PCDH11X: variants seen among roughly 807,000 people sequenced by gnomAD.
The protein encoded by PCDH11X is protocadherin-11 X-linked.
A neutral mutation model predicts 53.3 loss-of-function variants in PCDH11X; 18 were observed. The ratio of observed to expected loss-of-function variants is 0.34; its 90% CI spans 0.23 to 0.50. The LOEUF (loss-of-function observed/expected upper bound fraction) is 0.50. PCDH11X is among the 20% of genes least tolerant of loss of function. The pLI is 0.98. For synonymous variants in PCDH11X, 279 were observed against 393.3 expected, an observed-to-expected ratio of 0.71 and a Z score of 3.44; for missense variants, 570 against 1,032.4, an observed-to-expected ratio of 0.55 and a Z score of 6.14.
intron 6 of PCDH11X, among the ~76,000 whole-genome samples, chrX:91,965,608 T>G (rs1256577742): frequency 9.2e-6 from 1 of 108,121 alleles, no homozygotes; most frequent in African/African-American, 3.5e-5. Flanking sequence ...ATTTTTACAA[T>G]TTATGAAACC....
chrX:92,401,620 A>T (rs1450359261), intron 9 of PCDH11X, among the ~76,000 whole-genome samples: 1 of 112,102 alleles, frequency 8.9e-6, no homozygotes, highest in Non-Finnish European at 1.9e-5. Flanking sequence ...AAGCATAAGG[A>T]CTATGTTTTT....
intron 6 of PCDH11X, among the ~76,000 whole-genome samples, chrX:91,929,897 A>G (rs1325906184): frequency 1.8e-5 from 2 of 111,287 alleles, no homozygotes; most frequent in Admixed American, 9.6e-5. Context: ...TGTATTCTTC[A>G]GATACTAGGC....
intron 8 of PCDH11X, among the ~76,000 whole-genome samples, chrX:92,268,636 G>A (rs1266480302): frequency 8.9e-6 from 1 of 111,859 alleles, no homozygotes; most frequent in Admixed American, 9.5e-5. Context: ...ACATTGTACT[G>A]CAGGTACACT....
intron 4 of PCDH11X, among the ~76,000 whole-genome samples, chrX:91,830,400 G>A (rs1433392970): frequency 1.8e-5 from 2 of 111,372 alleles, no homozygotes; most frequent in Non-Finnish European, 3.8e-5. Flanking sequence ...TAATTACTGT[G>A]CCTTATTAAA....
At chrX:92,046,076 A>G (rs1416876486) in intron 6 of PCDH11X, among the ~76,000 whole-genome samples, 1 of 112,007 alleles carries the variant, frequency 8.9e-6, no homozygotes, top group Non-Finnish European at 1.9e-5. Flanking sequence ...TGGAGCCAAC[A>G]AGTACCCACT....
chrX:91,890,175 G>A (rs1354756979), intron 6 of PCDH11X, among the ~76,000 whole-genome samples: 1 of 110,502 alleles, frequency 9.0e-6, no homozygotes, highest in African/African-American at 3.3e-5. Flanking sequence ...GTATGTGTGA[G>A]CACAGATATG....
At chrX:91,859,104 A>G (rs1349564862) in intron 5 of PCDH11X, among the ~76,000 whole-genome samples, 1 of 110,336 alleles carries the variant, frequency 9.1e-6, no homozygotes, top group African/African-American at 3.3e-5. Context: ...AAGCTTTTCT[A>G]TTTCTCCACA....
In PCDH11X at chrX:92,569,144, AAG is replaced by A. The variant is rs1447907040; in HGVS notation, c.3368-49117_3368-49116del. On this transcript the variant is annotated intron_variant, in intron 10 of 10. Coordinates refer to ENST00000682573, the MANE Select transcript of PCDH11X (RefSeq NM_032968.5). ...TGGAGAGGTATTGTGCTAAGAGTGAAAGAGTACAAAATTTTGAGCCATGGGCA... is the reference window on the plus strand; with the variant it reads ...TGGAGAGGTATTGTGCTAAGAGTGAAAGTACAAAATTTTGAGCCATGGGCA... Among the ~76,000 whole-genome samples the A allele has an allele frequency of 7.3e-5, 8 of 108,880 alleles. No individual in the cohort carries two copies. In the Admixed American group the frequency reaches 8.0e-4, roughly 11 times the overall value. 94.5% of individuals were successfully genotyped at this position (108,880 alleles called of 115,157 possible).
intron 6 of PCDH11X, among the ~76,000 whole-genome samples, chrX:91,885,735 A>T (rs964518781): frequency 9.0e-6 from 1 of 111,556 alleles, no homozygotes; most frequent in African/African-American, 3.3e-5. Context: ...TGAAATAATT[A>T]TCCAGAATTT....
intron 6 of PCDH11X, among the ~76,000 whole-genome samples, chrX:92,184,536 A>C (rs966521245): frequency 4.5e-5 from 5 of 111,935 alleles, no homozygotes; most frequent in African/African-American, 1.6e-4. Context: ...GCAATCTTGA[A>C]TAGAAAGAAT....
intron 6 of PCDH11X, among the ~76,000 whole-genome samples, chrX:92,139,242 C>G (rs1311408313): frequency 1.0e-5 from 1 of 97,908 alleles, no homozygotes; most frequent in East Asian, 3.1e-4. Flanking sequence ...TAAAACAAGT[C>G]TTTTTCTTTT....
chrX:92,214,343 A>G (rs758639693), intron 7 of PCDH11X, among the ~76,000 whole-genome samples: 6 of 111,899 alleles, frequency 5.4e-5, no homozygotes, highest in African/African-American at 1.6e-4. Flanking sequence ...AGAAAAAATC[A>G]TGTGATCAAT....
chrX:92,197,177 C>A (rs1201123787), intron 6 of PCDH11X, among the ~76,000 whole-genome samples: 3 of 111,246 alleles, frequency 2.7e-5, no homozygotes, highest in African/African-American at 9.8e-5. Context: ...AGACTTTAGT[C>A]TCTTTTAAAT....
At chrX:91,886,970 C>CAAAA (rs1179014012) in intron 6 of PCDH11X, among the ~76,000 whole-genome samples, 3 of 50,298 alleles carry the variant, frequency 6.0e-5, no homozygotes, top group Admixed American at 2.4e-4. Context: ...GACTCCATCT[C>CAAAA]AAAAAAAAAA....
intron 7 of PCDH11X, among the ~76,000 whole-genome samples, chrX:92,217,030 T>C (rs1292055599): frequency 3.6e-5 from 4 of 110,599 alleles, no homozygotes; most frequent in Admixed American, 1.9e-4. Context: ...CCAGGCCTTC[T>C]CTAAAAGAGC....
intron 6 of PCDH11X, among the ~76,000 whole-genome samples, chrX:92,128,354 TA>T (rs776091946): frequency 8.8e-5 from 9 of 102,369 alleles, no homozygotes; most frequent in Non-Finnish European, 1.6e-4. Flanking sequence ...CACAAATAAC[TA>T]AAAAAAAAAT....
At chrX:92,257,362 G>T (rs997534439) in intron 7 of PCDH11X, among the ~76,000 whole-genome samples, 1 of 110,811 alleles carries the variant, frequency 9.0e-6, no homozygotes, top group African/African-American at 3.3e-5. Context: ...ATATCATTCT[G>T]CCCCTGGCCT....
chrX:92,537,231 T>C (rs777007863), intron 10 of PCDH11X, among the ~76,000 whole-genome samples: 1 of 107,145 alleles, frequency 9.3e-6, no homozygotes. Context: ...TTTTTTTTGC[T>C]TCATTTCCTT....
intron 8 of PCDH11X, among the ~76,000 whole-genome samples, chrX:92,340,454 C>G (rs1277041534): frequency 8.9e-6 from 1 of 112,308 alleles, no homozygotes; most frequent in Non-Finnish European, 1.9e-5. Context: ...TGCTGGAGCA[C>G]TCAGGCTTAT....
Sources: gnomAD v4.1 joint callset for allele counts (sites outside exome capture counted in the v4.1 genomes callset) on GRCh38, gnomAD v4.1.1 for gene constraint, MANE v1.5 for transcripts, NCBI Gene and HGNC (gene_info 2026-07-23, HGNC 2026-07-21) for gene names.